The following JMJD1C variants were observed in gnomAD, a reference collection of about 807,000 sequenced individuals.
JMJD1C encodes the protein jumonji domain containing 1C.
Under a neutral mutation model 245.3 loss-of-function variants are expected in JMJD1C, and 31 were observed. That is an observed-to-expected ratio of 0.13 (90% CI 0.09 to 0.17). The LOEUF (loss-of-function observed/expected upper bound fraction) is 0.17, where lower values mean the gene tolerates loss of function less well. JMJD1C is among the 10% of genes least tolerant of loss of function. The probability of loss-of-function intolerance (pLI) is 1.00; values close to 1 mark genes in which losing one functional copy is unlikely to be tolerated. For missense variants in JMJD1C, 2,691 were observed against 3,000.2 expected (o/e 0.90, Z 2.41); for synonymous variants, 1,057 against 1,017.4 (o/e 1.04, Z -0.74).
chr10:63,435,721 A>T (rs1951023251), intron 1 of JMJD1C, among the ~76,000 whole-genome samples: 1 of 152,112 alleles, frequency 6.6e-6, no homozygotes, highest in Non-Finnish European at 1.5e-5. Flanking sequence ...CCAACATGGT[A>T]AAACACCATC....
At chr10:63,443,959 G>C (rs942126482) in intron 1 of JMJD1C, among the ~76,000 whole-genome samples, 1 of 152,218 alleles carries the variant, frequency 6.6e-6, no homozygotes, top group Non-Finnish European at 1.5e-5. Context: ...ACAGTAGTAT[G>C]AATCAACCGC....
At chr10:63,317,155 C>T (rs1940184392) in intron 2 of JMJD1C, among the ~76,000 whole-genome samples, 1 of 152,040 alleles carries the variant, frequency 6.6e-6, no homozygotes, top group African/African-American at 2.4e-5. Flanking sequence ...GACACCATGC[C>T]CAGTCAGCAT....
chr10:63,266,393 A>C (rs1855575989), intron 2 of JMJD1C, among the ~76,000 whole-genome samples: 1 of 152,118 alleles, frequency 6.6e-6, no homozygotes, highest in African/African-American at 2.4e-5. Flanking sequence ...AGGATTTCAT[A>C]AAATCCTATT....
At chr10:63,506,743 T>C (rs1954731083) in intron 1 of JMJD1C, among the ~76,000 whole-genome samples, 1 of 152,214 alleles carries the variant, frequency 6.6e-6, no homozygotes, top group Admixed American at 6.5e-5. Flanking sequence ...GTACATTTGT[T>C]ACCATCAATG....
At position 63,264,687 on chromosome 10, in the gene JMJD1C, A is replaced by C. The variant is rs561459877; in HGVS notation, c.411T>G (p.Asp137Glu). The change falls in exon 3 of 26, where the codon GAT becomes GAG. Residue 137 changes from aspartate to glutamate, a missense_variant. This residue lies in a region of JMJD1C where 172 missense variants were observed against 240.8 expected (regional missense o/e 0.71). Transcript: ENST00000399262. ...GAAAGGCACTATCTTCAGTTAAAAAATCCAGTTGCTTATCTACAAGGAATT... is the reference window on the plus strand; with the variant it reads ...GAAAGGCACTATCTTCAGTTAAAAACTCCAGTTGCTTATCTACAAGGAATT... ...AVEFLVDKQLDFLTEDSAFQP... is the reference protein window; with the variant it reads ...AVEFLVDKQLEFLTEDSAFQP... 6.3e-7 allele frequency: 1 copy of C among 1,587,584 alleles called. No individual in the cohort carries two copies. The highest frequency in any genetic ancestry group is 1.1e-5 in the South Asian group (1 of 87,670).
At chr10:63,197,596 C>T in intron 12 of JMJD1C, 33 bp from the exon 13 acceptor site, 3 of 1,472,814 alleles carry the variant, frequency 2.0e-6, no homozygotes, top group Non-Finnish European at 2.7e-6. Flanking sequence ...ATTTTAAAGG[C>T]AAACATGCTC....
intron 1 of JMJD1C, among the ~76,000 whole-genome samples, chr10:63,394,844 CAA>C (rs35359377): frequency 1.6e-5 from 2 of 127,012 alleles, no homozygotes; most frequent in African/African-American, 3.3e-5. Context: ...AACTCCATCA[CAA>C]AAAAAAAAAA....
At chr10:63,169,863 C>T (rs967388583) in intron 24 of JMJD1C, among the ~76,000 whole-genome samples, 1 of 152,174 alleles carries the variant, frequency 6.6e-6, no homozygotes, top group Non-Finnish European at 1.5e-5. Flanking sequence ...AGATGTTCAG[C>T]GCCTGTCCCA....
chr10:63,244,519 A>G (rs1337954101), intron 3 of JMJD1C, among the ~76,000 whole-genome samples: 1 of 152,192 alleles, frequency 6.6e-6, no homozygotes, highest in African/African-American at 2.4e-5. Context: ...CATCCAAAAG[A>G]AACAACAGCA....
chr10:63,352,617 G>A (rs903490153), intron 2 of JMJD1C, among the ~76,000 whole-genome samples: 1 of 138,274 alleles, frequency 7.2e-6, no homozygotes, highest in East Asian at 2.2e-4. Context: ...CAGCTTGGGT[G>A]ATGGAGTGAG....
chr10:63,388,697 T>C (rs186632516), intron 1 of JMJD1C, among the ~76,000 whole-genome samples: 1 of 152,218 alleles, frequency 6.6e-6, no homozygotes, highest in East Asian at 1.9e-4. Context: ...ATAACAGGAA[T>C]AAGCCCTCAC....
intron 1 of JMJD1C, among the ~76,000 whole-genome samples, chr10:63,512,137 C>T (rs1466376617): frequency 6.6e-6 from 1 of 152,198 alleles, no homozygotes; most frequent in East Asian, 1.9e-4. Context: ...TATAGATACA[C>T]ACACATATAC....
At chr10:63,513,410 T>C (rs763127599) in intron 1 of JMJD1C, among the ~76,000 whole-genome samples, 2 of 152,176 alleles carry the variant, frequency 1.3e-5, no homozygotes, top group African/African-American at 2.4e-5. Flanking sequence ...GGAAAGACTC[T>C]ATGACTAAGT....
At chr10:63,239,835 G>A (rs572591512) in intron 3 of JMJD1C, among the ~76,000 whole-genome samples, 1 of 152,180 alleles carries the variant, frequency 6.6e-6, no homozygotes, top group South Asian at 2.1e-4. Context: ...ACGAAATCAA[G>A]GTCTGATGGT....
chr10:63,216,102 A>T (rs745799862), intron 5 of JMJD1C, among the ~76,000 whole-genome samples: 7 of 152,250 alleles, frequency 4.6e-5, no homozygotes, highest in Admixed American at 1.3e-4. Context: ...GAATAATTTT[A>T]AAAATGTGGT....
chr10:63,203,957 G>C (rs899051633), intron 10 of JMJD1C: 6 of 982,802 alleles, frequency 6.1e-6, no homozygotes, highest in Non-Finnish European at 6.0e-6. Flanking sequence ...TTAATATTTA[G>C]AAGTTCCCTG....
intron 2 of JMJD1C, among the ~76,000 whole-genome samples, chr10:63,290,339 C>T (rs899468325): frequency 1.3e-5 from 2 of 152,136 alleles, no homozygotes; most frequent in East Asian, 1.9e-4. Context: ...GAGGGTAAGG[C>T]GGGAGGATCA....
intron 2 of JMJD1C, among the ~76,000 whole-genome samples, chr10:63,365,255 A>G (rs755023348): frequency 1.3e-5 from 2 of 152,134 alleles, no homozygotes; most frequent in Non-Finnish European, 2.9e-5. Flanking sequence ...CTTTTATTCT[A>G]TAACTGAATG....
At chr10:63,344,629 GA>G (rs1470491382) in intron 2 of JMJD1C, among the ~76,000 whole-genome samples, 1 of 152,068 alleles carries the variant, frequency 6.6e-6, no homozygotes, top group Non-Finnish European at 1.5e-5. Context: ...CAGACTGGTA[GA>G]AGGCCATGTA....
Sources: allele counts gnomAD v4.1 joint callset (sites outside exome capture counted in the v4.1 genomes callset), GRCh38; gene constraint gnomAD v4.1.1; regional missense constraint gnomAD v4.1.1; transcripts MANE v1.5; gene names NCBI Gene and HGNC (gene_info 2026-07-23, HGNC 2026-07-21).